WWOX: variants seen among roughly 807,000 people sequenced by gnomAD.
WWOX encodes WW domain containing oxidoreductase, also known as WW domain-containing oxidoreductase.
WWOX carries 69 observed loss-of-function variants against 46.2 expected under a neutral mutation model. The ratio of observed to expected loss-of-function variants is 1.49; its 90% confidence interval spans 1.23 to 1.82. The LOEUF (loss-of-function observed/expected upper bound fraction) is 1.82. Among genes scored for constraint, WWOX ranks in the 40% most tolerant of loss-of-function variants. The pLI, the probability that WWOX is intolerant of heterozygous loss-of-function variation, is 0.00. For synonymous variants in WWOX, 359 were observed against 202.6 expected, an observed-to-expected ratio of 1.77 and a Z score of -6.56; for missense variants, 919 against 542.6, an observed-to-expected ratio of 1.69 and a Z score of -6.89.
intron 8 of WWOX, among the ~76,000 whole-genome samples, chr16:78,813,311 A>G (rs912309411): frequency 3.3e-5 from 5 of 151,852 alleles, no homozygotes; most frequent in African/African-American, 1.2e-4. Context: ...AGCTATAAAT[A>G]TACAGCCTTA....
chr16:78,326,325 A>C (rs1012964646), intron 5 of WWOX, among the ~76,000 whole-genome samples: 1 of 152,188 alleles, frequency 6.6e-6, no homozygotes, highest in Non-Finnish European at 1.5e-5. Context: ...CTAAATTGCA[A>C]GGCTGTATAT....
intron 8 of WWOX, among the ~76,000 whole-genome samples, chr16:79,064,909 G>C (rs1369107975): frequency 1.3e-5 from 2 of 152,172 alleles, no homozygotes; most frequent in Admixed American, 1.3e-4. Context: ...TATAACGGAC[G>C]TTCTGATGGC....
At chr16:78,322,741 A>G (rs1444640952) in intron 5 of WWOX, among the ~76,000 whole-genome samples, 1 of 152,190 alleles carries the variant, frequency 6.6e-6, no homozygotes, top group African/African-American at 2.4e-5. Context: ...GAGAGACAGT[A>G]TTTTATGCTT....
chr16:78,847,884 C>T (rs948288392), intron 8 of WWOX, among the ~76,000 whole-genome samples: 11 of 152,152 alleles, frequency 7.2e-5, no homozygotes, highest in African/African-American at 2.2e-4. Flanking sequence ...GCATGACAAG[C>T]GGTCAGATAC....
intron 8 of WWOX, among the ~76,000 whole-genome samples, chr16:78,763,375 C>T (rs190317214): frequency 2.6e-5 from 4 of 152,352 alleles, no homozygotes; most frequent in Admixed American, 6.5e-5. Flanking sequence ...TGTTTCTGTT[C>T]ATCCAGAACT....
At chr16:78,862,170 A>T (rs769193826) in intron 8 of WWOX, among the ~76,000 whole-genome samples, 11 of 151,402 alleles carry the variant, frequency 7.3e-5, no homozygotes, top group South Asian at 2.1e-4. Context: ...GTCTGTATCT[A>T]TACACACCGA....
chr16:78,663,908 A>T (rs2047271859), intron 8 of WWOX, among the ~76,000 whole-genome samples: 1 of 152,324 alleles, frequency 6.6e-6, no homozygotes, highest in East Asian at 1.9e-4. Context: ...GTTTGGAGCC[A>T]ACAGGGATAA....
At chr16:78,815,103 TTGTC>T (rs963339809) in intron 8 of WWOX, among the ~76,000 whole-genome samples, 20 of 152,176 alleles carry the variant, frequency 1.3e-4, no homozygotes, top group African/African-American at 3.4e-4. Flanking sequence ...GGTGGGCAGA[TTGTC>T]TGAGGTCAGG....
chr16:78,852,587 A>T (rs2151181964), intron 8 of WWOX, among the ~76,000 whole-genome samples: 1 of 152,318 alleles, frequency 6.6e-6, no homozygotes, highest in African/African-American at 2.4e-5. Flanking sequence ...CACCCAAGTC[A>T]AATCAGCTAG....
chr16:78,704,185 A>C (rs1270548404), intron 8 of WWOX, among the ~76,000 whole-genome samples: 1 of 151,756 alleles, frequency 6.6e-6, no homozygotes, highest in Non-Finnish European at 1.5e-5. Context: ...GCAACTATGT[A>C]ACCTCTCTGA....
At chr16:78,433,950 C>T (rs1306134307) in intron 8 of WWOX, among the ~76,000 whole-genome samples, 10 of 151,718 alleles carry the variant, frequency 6.6e-5, no homozygotes, top group Non-Finnish European at 1.2e-4. Flanking sequence ...CCACTATGCC[C>T]GGCTAATTTT....
intron 8 of WWOX, among the ~76,000 whole-genome samples, chr16:78,707,889 AG>A (rs1206790083): frequency 3.4e-5 from 5 of 145,844 alleles, no homozygotes; most frequent in Admixed American, 1.4e-4. Flanking sequence ...AAATAAATAA[AG>A]TATCTGTCCC....
chr16:78,829,214 A>G (rs921936908), intron 8 of WWOX, among the ~76,000 whole-genome samples: 1 of 152,194 alleles, frequency 6.6e-6, no homozygotes, highest in Non-Finnish European at 1.5e-5. Context: ...ATTGGCTCAC[A>G]CAATTATGGA....
intron 8 of WWOX, among the ~76,000 whole-genome samples, chr16:79,148,738 A>G (rs2050224537): frequency 6.6e-6 from 1 of 152,160 alleles, no homozygotes; most frequent in Admixed American, 6.6e-5. Context: ...TATTTAGTAT[A>G]AACCCACTGG....
chr16:78,293,858 C>G (rs1391888980), intron 5 of WWOX, among the ~76,000 whole-genome samples: 1 of 151,682 alleles, frequency 6.6e-6, no homozygotes, highest in East Asian at 1.9e-4. Context: ...TGACTTTAAT[C>G]CCAGCTGCTC....
intron 3 of WWOX, among the ~76,000 whole-genome samples, 194 bp downstream of exon 3, chr16:78,110,029 C>T (rs1330408928): frequency 6.6e-6 from 1 of 151,630 alleles, no homozygotes; most frequent in Non-Finnish European, 1.5e-5. Flanking sequence ...ATTTTCCCCG[C>T]ACACGCATCC....
intron 5 of WWOX, among the ~76,000 whole-genome samples, chr16:78,352,075 G>A (rs1053518775): frequency 2.6e-5 from 4 of 152,176 alleles, no homozygotes; most frequent in African/African-American, 9.6e-5. Flanking sequence ...GGAGATGGTG[G>A]CGCACAAGAG....
Position 79,045,721 on chromosome 16 carries a change from G to A in WWOX, c.1057-165887G>A, listed in dbSNP as rs144106309. Among the ~76,000 whole-genome samples the A allele has an allele frequency of 6.4e-4, 92 of 144,736 alleles. No homozygotes were observed. The East Asian group carries it at 0.016, about 24-fold the overall frequency. The allele number at this position is 144,736 out of a possible 152,430, so 95.0% of individuals were successfully genotyped here. Reference sequence around the variant, plus strand: ...GTGTGTGTGTGTGCACTTACTAACTGTGCAACTGTGGGCAAGTGATGTAAT... The same window carrying A: ...GTGTGTGTGTGTGCACTTACTAACTATGCAACTGTGGGCAAGTGATGTAAT... On this transcript the variant is annotated intron_variant, in intron 8 of 8. Transcript: ENST00000566780.
rs58489137 is a variant in WWOX at position 79,078,866 on chromosome 16, A to G, written c.1057-132742A>G. Among the ~76,000 whole-genome samples the G allele has an allele frequency of 3.7e-3, 564 of 152,310 alleles. 3 individuals carry two copies. Among genetic ancestry groups the G allele is most frequent in the African/African-American group, 0.012 (487 of 41,574 alleles). On this transcript the variant is annotated intron_variant, in intron 8 of 8. Coordinates refer to ENST00000566780, the MANE Select transcript of WWOX (RefSeq NM_016373.4). Reference sequence around the variant, plus strand: ...TGGTCCATTTAAAGTGCTTAAACCAATTGCCAGGCACATAATAGGTGCTCA... The same window carrying G: ...TGGTCCATTTAAAGTGCTTAAACCAGTTGCCAGGCACATAATAGGTGCTCA...
Sources: gnomAD v4.1 joint callset for allele counts (sites outside exome capture counted in the v4.1 genomes callset) on GRCh38, gnomAD v4.1.1 for gene constraint, MANE v1.5 for transcripts, NCBI Gene and HGNC (gene_info 2026-07-23, HGNC 2026-07-21) for gene names.